Variants in EEF1AKMT4 observed in about 807,000 individuals in gnomAD.
EEF1AKMT4 encodes the protein eukaryotic translation elongation factor 1 alpha lysine specific methyltransferase 4.
A neutral mutation model predicts 23.0 loss-of-function variants in EEF1AKMT4; 17 were observed. The observed-to-expected ratio is 0.74, with a 90% confidence interval of 0.51 to 1.11. EEF1AKMT4 has a LOEUF of 1.11. Ranked by LOEUF, EEF1AKMT4 falls within the 50% of genes least tolerant of loss-of-function variation. The pLI is 0.00. For missense variants in EEF1AKMT4, 318 were observed against 333.4 expected, an observed-to-expected ratio of 0.95 and a Z score of 0.36; for synonymous variants, 140 against 141.4, an observed-to-expected ratio of 0.99 and a Z score of 0.07.
chr3:184,254,400 T>C (rs1392958955), intron 1 of EEF1AKMT4, among the ~76,000 whole-genome samples: 5 of 152,062 alleles, frequency 3.3e-5, no homozygotes, highest in Non-Finnish European at 7.3e-5. Context: ...CTTTTGATCA[T>C]AATCAAAAAT....
At chr3:184,250,718 ATGTG>A (rs1487445018) in intron 1 of EEF1AKMT4, among the ~76,000 whole-genome samples, 2 of 152,242 alleles carry the variant, frequency 1.3e-5, no homozygotes, top group African/African-American at 2.4e-5. Context: ...AACAAATCTA[ATGTG>A]TGTGTCTATT....
chr3:184,250,586 T>C (rs1719491896), intron 1 of EEF1AKMT4, among the ~76,000 whole-genome samples: 1 of 152,256 alleles, frequency 6.6e-6, no homozygotes. Context: ...AAAGTTTGAA[T>C]GAGCAACAGA....
intron 2 of EEF1AKMT4, 98 bp from the exon 3 acceptor site, chr3:184,258,190 G>C: frequency 8.7e-7 from 1 of 1,151,660 alleles, no homozygotes; most frequent in Non-Finnish European, 1.2e-6. Context: ...ATGTGGGGTG[G>C]TTCCTGAGGT....
intron 1 of EEF1AKMT4, among the ~76,000 whole-genome samples, chr3:184,251,773 A>G (rs1000109911): frequency 6.6e-6 from 1 of 152,220 alleles, no homozygotes; most frequent in Non-Finnish European, 1.5e-5. Flanking sequence ...ATTATGTTGG[A>G]ATCTTGGCTC....
intron 2 of EEF1AKMT4, 147 bp downstream of exon 2, chr3:184,257,903 G>A (rs367670922): frequency 4.9e-4 from 507 of 1,037,714 alleles, no homozygotes; most frequent in Middle Eastern, 2.3e-3. Context: ...TGAAGGGAGG[G>A]AAGGGTTAAG....
At chr3:184,253,267 A>T (rs1719639155) in intron 1 of EEF1AKMT4, among the ~76,000 whole-genome samples, 1 of 152,188 alleles carries the variant, frequency 6.6e-6, no homozygotes, top group African/African-American at 2.4e-5. Context: ...ATATAAAAAT[A>T]AAAATCGGTA....
In EEF1AKMT4 at chr3:184,258,740, C is replaced by T; in HGVS notation, c.*165C>T. On this transcript the variant is annotated 3_prime_UTR_variant, in exon 3 of 3. Coordinates refer to ENST00000324557, the MANE Select transcript of EEF1AKMT4 (RefSeq NM_032331.4). ...CGAACCCACATGAACCAATACAGCC[C>T]AGCTCCAACTAGATCCAGATTCCAG... 1 of 1,342,452 alleles carries T rather than the reference C, an allele frequency of 7.4e-7. No individual in the cohort carries two copies. The highest frequency in any genetic ancestry group is 9.5e-7 in the Non-Finnish European group (1 of 1,051,430). 83.2% of individuals were successfully genotyped at this position (1,342,452 alleles called of 1,614,324 possible).
In EEF1AKMT4 at chr3:184,253,479, C is replaced by T. The variant is rs554886468; in HGVS notation, c.196+3589C>T. 2.2e-4 allele frequency among the ~76,000 whole-genome samples: 33 copies of T among 152,102 alleles called. 1 individual carries two copies. The highest frequency in any genetic ancestry group is 3.8e-4 in the Non-Finnish European group (26 of 68,032). The stretch of plus-strand genomic sequence containing the variant: ...GGATATAGCTAACAATGGAATGTCA[C>T]GACTGAAGGTGAGTGGGCCTCTTGA... On this transcript the variant is annotated intron_variant, in intron 1 of 2. Coordinates refer to ENST00000324557, the MANE Select transcript of EEF1AKMT4 (RefSeq NM_032331.4).
rs186106861 is a variant in EEF1AKMT4, at chr3:184,251,059, T to C, written c.196+1169T>C. Among the ~76,000 whole-genome samples the C allele has an allele frequency of 4.2e-4, 60 of 141,732 alleles. No individual in the cohort carries two copies. The East Asian group carries it at 0.012, about 29-fold the overall frequency. 93.0% of individuals were successfully genotyped at this position (141,732 alleles called of 152,430 possible). ...AAGATCATGCCATTGCACTCCAGCCTGTGCAAGAAGAGCAAAACTCTGTCT... is the reference window on the plus strand; with the variant it reads ...AAGATCATGCCATTGCACTCCAGCCCGTGCAAGAAGAGCAAAACTCTGTCT... On this transcript the variant is annotated intron_variant, in intron 1 of 2. Coordinates refer to ENST00000324557, the MANE Select transcript of EEF1AKMT4 (RefSeq NM_032331.4).
intron 1 of EEF1AKMT4, among the ~76,000 whole-genome samples, chr3:184,250,396 C>T (rs1719479148): frequency 6.6e-6 from 1 of 152,218 alleles, no homozygotes; most frequent in Non-Finnish European, 1.5e-5. Flanking sequence ...AGAGTCCTGT[C>T]TGAAACTTGG....
intron 1 of EEF1AKMT4, among the ~76,000 whole-genome samples, chr3:184,255,213 T>G (rs754137148): frequency 6.6e-6 from 1 of 152,172 alleles, no homozygotes; most frequent in African/African-American, 2.4e-5. Context: ...GCAAACCCAG[T>G]GGGATTTCAA....
chr3:184,257,135 G>A (rs1427441319), intron 1 of EEF1AKMT4, among the ~76,000 whole-genome samples: 2 of 150,884 alleles, frequency 1.3e-5, no homozygotes, highest in African/African-American at 4.9e-5. Context: ...ACTTAAAGCC[G>A]GGAGGCGGAG....
At chr3:184,254,333 G>A (rs772065249) in intron 1 of EEF1AKMT4, among the ~76,000 whole-genome samples, 3 of 152,054 alleles carry the variant, frequency 2.0e-5, no homozygotes, top group Non-Finnish European at 4.4e-5. Flanking sequence ...GTGCAGTGGT[G>A]TGATCTTGGC....
intron 1 of EEF1AKMT4, among the ~76,000 whole-genome samples, chr3:184,250,147 G>A (rs1163961528): frequency 6.6e-6 from 1 of 152,240 alleles, no homozygotes; most frequent in Non-Finnish European, 1.5e-5. Flanking sequence ...GACCCTGTCC[G>A]GACCCTCGGG....
At chr3:184,252,771 C>T (rs976062248) in intron 1 of EEF1AKMT4, among the ~76,000 whole-genome samples, 1 of 151,736 alleles carries the variant, frequency 6.6e-6, no homozygotes, top group Non-Finnish European at 1.5e-5. Flanking sequence ...GGTGAAACCC[C>T]GTCTCTACTA....
Position 184,258,725 on chromosome 3 carries a change from T to C in EEF1AKMT4, c.*150T>C. On this transcript the variant is annotated 3_prime_UTR_variant, in exon 3 of 3. Coordinates refer to ENST00000324557, the MANE Select transcript of EEF1AKMT4 (RefSeq NM_032331.4). ...GATAGAGGGTGGGAGCGAACCCACATGAACCAATACAGCCCAGCTCCAACT... is the reference window on the plus strand; with the variant it reads ...GATAGAGGGTGGGAGCGAACCCACACGAACCAATACAGCCCAGCTCCAACT... 1 of 1,412,458 alleles carries C rather than the reference T, an allele frequency of 7.1e-7. No individual in the cohort carries two copies. The highest frequency in any genetic ancestry group is 2.6e-5 in the East Asian group (1 of 38,392). 87.5% of individuals were successfully genotyped at this position (1,412,458 alleles called of 1,614,324 possible).
rs940649853 is a variant in EEF1AKMT4 at position 184,258,612 on chromosome 3, G to T, written c.*37G>T. On this transcript the variant is annotated 3_prime_UTR_variant, in exon 3 of 3. Coordinates refer to ENST00000324557, the MANE Select transcript of EEF1AKMT4 (RefSeq NM_032331.4). ...GGTCCTCCACCCTTCCTGCCATTCT[G>T]CCCTGGGCTCCTCAGGTAGTTGGAA... 1.3e-6 allele frequency: 2 copies of T among 1,526,048 alleles called. No homozygotes were observed. The highest frequency in any genetic ancestry group is 1.4e-5 in the African/African-American group (1 of 72,084). 94.5% of individuals were successfully genotyped at this position (1,526,048 alleles called of 1,614,324 possible).
At position 184,258,668 on chromosome 3, in the gene EEF1AKMT4, A is replaced by C; in HGVS notation, c.*93A>C. ...GACTTAGGACTTGGGGTTGGGTCCA[A>C]GGTGCTTACATCCCAGGGGCCTCAT... On this transcript the variant is annotated 3_prime_UTR_variant, in exon 3 of 3. Transcript: ENST00000324557. 6.7e-7 allele frequency: 1 copy of C among 1,500,320 alleles called. No homozygotes were observed. Among genetic ancestry groups the C allele is most frequent in the Non-Finnish European group, 8.9e-7 (1 of 1,129,380 alleles). 92.9% of individuals were successfully genotyped at this position (1,500,320 alleles called of 1,614,324 possible). A position where few individuals can be genotyped will look rare whatever the true frequency, so the allele number is the denominator to read the frequency against.
In EEF1AKMT4 at chr3:184,258,700, G is replaced by A. The variant is rs1056311; in HGVS notation, c.*125G>A. On this transcript the variant is annotated 3_prime_UTR_variant, in exon 3 of 3. Coordinates refer to ENST00000324557, the MANE Select transcript of EEF1AKMT4 (RefSeq NM_032331.4). ...TACATCCCAGGGGCCTCATGCCTAA[G>A]ATAGAGGGTGGGAGCGAACCCACAT... 1 of 1,463,800 alleles carries A rather than the reference G, an allele frequency of 6.8e-7. No individual in the cohort carries two copies. Among genetic ancestry groups the A allele is most frequent in the Non-Finnish European group, 9.0e-7 (1 of 1,113,080 alleles). 90.7% of individuals were successfully genotyped at this position (1,463,800 alleles called of 1,614,324 possible). A position where few individuals can be genotyped will look rare whatever the true frequency, so the allele number is the denominator to read the frequency against.
Sources: allele counts gnomAD v4.1 joint callset (sites outside exome capture counted in the v4.1 genomes callset), GRCh38; gene constraint gnomAD v4.1.1; transcripts MANE v1.5; gene names NCBI Gene and HGNC (gene_info 2026-07-23, HGNC 2026-07-21).